WNT5A: variants seen among roughly 807,000 people sequenced by gnomAD.
The protein encoded by WNT5A is Wnt family member 5A, also known as protein Wnt-5a.
WNT5A carries 9 observed loss-of-function variants against 42.1 expected under a neutral mutation model. The ratio of observed to expected loss-of-function variants is 0.21; its 90% CI spans 0.13 to 0.37. The LOEUF (loss-of-function observed/expected upper bound fraction) is 0.37, where lower values mean the gene tolerates loss of function less well. WNT5A is among the 10% of genes least tolerant of loss of function. The pLI is 1.00. For synonymous variants in WNT5A, 210 were observed against 210.0 expected, an observed-to-expected ratio of 1.00 and a Z score of 0.00; for missense variants, 426 against 534.0, an observed-to-expected ratio of 0.80 and a Z score of 1.99.
At chr3:55,485,640 T>G (rs536007917) in intron 1 of WNT5A, among the ~76,000 whole-genome samples, 31 of 140,768 alleles carry the variant, frequency 2.2e-4, no homozygotes, top group Admixed American at 1.4e-3. Context: ...TCTGGCTGGT[T>G]CGGCAGTGAA....
upstream of WNT5A, chr3:55,493,727 G>GACTTAATCACCAC (rs2051686377): frequency 6.6e-6 from 1 of 152,182 alleles, no homozygotes; most frequent in Admixed American, 6.5e-5. Context: ...AAATGTAAGG[G>GACTTAATCACCAC]ACTTAATCAC....
At position 55,467,190 on chromosome 3, in the gene WNT5A, CA is replaced by C. The variant is rs924932236; in HGVS notation, c.*2901del. On this transcript the variant is annotated 3_prime_UTR_variant, in exon 5 of 5. Transcript: ENST00000264634. ...TGCAATAGTTGCAGTGGTAAACACA[CA>C]AAAAAATACATTTTTTTGGACTAAA... 6.6e-6 allele frequency: 1 copy of C among 152,372 alleles called. No homozygotes were observed. The highest frequency in any genetic ancestry group is 2.1e-4 in the South Asian group (1 of 4,812). The allele number at this position is 152,372 out of a possible 1,614,324, so 9.4% of individuals were successfully genotyped here.
intron 1 of WNT5A, chr3:55,481,450 G>A (rs2051461128): frequency 1.2e-6 from 1 of 865,024 alleles, no homozygotes. Context: ...GCGGGGGGTG[G>A]AGGATGGGGG....
At chr3:55,497,639 A>T in the WNT5A span, among the ~76,000 whole-genome samples, 971 of 152,340 alleles carry the variant, frequency 6.4e-3, 11 homozygotes, top group Admixed American at 0.033. Flanking sequence ...TGACTGGAAT[A>T]TTAGTAATGC....
At chr3:55,488,912 G>C (rs367720076), upstream of WNT5A, among the ~76,000 whole-genome samples, 120 of 152,276 alleles carry the variant, frequency 7.9e-4, no homozygotes, top group East Asian at 0.018. Flanking sequence ...TGGGGCTGAT[G>C]GATAGGGTTA....
At chr3:55,481,640 C>T (rs1449669436) in intron 1 of WNT5A, among the ~76,000 whole-genome samples, 1 of 152,150 alleles carries the variant, frequency 6.6e-6, no homozygotes, top group Non-Finnish European at 1.5e-5. Context: ...TCCTTAAGGA[C>T]GTTCTTCAGC....
the WNT5A span, among the ~76,000 whole-genome samples, chr3:55,496,068 T>C: frequency 3.9e-5 from 6 of 152,344 alleles, no homozygotes; most frequent in East Asian, 1.2e-3. Flanking sequence ...CTAATGTGTT[T>C]TTTTCATTGT....
chr3:55,493,790 G>A (rs1489452231), upstream of WNT5A: 1 of 152,238 alleles, frequency 6.6e-6, no homozygotes, highest in Non-Finnish European at 1.5e-5. Context: ...ATATCTCTCT[G>A]GTTTCCCATA....
intron 3 of WNT5A, among the ~76,000 whole-genome samples, chr3:55,475,177 CTTGCTA>C (rs1315871947): frequency 6.6e-6 from 1 of 152,208 alleles, no homozygotes; most frequent in African/African-American, 2.4e-5. Flanking sequence ...ATAGTCAAAA[CTTGCTA>C]TTTGCAAAAA....
chr3:55,486,721 C>G (rs1477485312), intron 1 of WNT5A, among the ~76,000 whole-genome samples: 1 of 152,228 alleles, frequency 6.6e-6, no homozygotes, highest in Non-Finnish European at 1.5e-5. Context: ...TACTATCGCT[C>G]TTCCCCACTT....
At chr3:55,500,049 A>C in the WNT5A span, among the ~76,000 whole-genome samples, 1 of 152,038 alleles carries the variant, frequency 6.6e-6, no homozygotes, top group Non-Finnish European at 1.5e-5. Context: ...AATTTATCCC[A>C]CAGTAAATAC....
chr3:55,502,032 C>T, the WNT5A span, among the ~76,000 whole-genome samples: 1 of 152,210 alleles, frequency 6.6e-6, no homozygotes, highest in African/African-American at 2.4e-5. Flanking sequence ...CCCTTTACAA[C>T]TAGCCACACG....
rs570578703 is a variant in WNT5A at position 55,468,856 on chromosome 3, G to A, written c.*1236C>T. The A allele has an allele frequency of 6.6e-6, 1 of 152,518 alleles. No individual in the cohort carries two copies. Among genetic ancestry groups the A allele is most frequent in the African/African-American group, 2.4e-5 (1 of 41,426 alleles). 9.4% of individuals were successfully genotyped at this position (152,518 alleles called of 1,614,324 possible). A position where few individuals can be genotyped will look rare whatever the true frequency, so the allele number is the denominator to read the frequency against. ...TGCAACACCTCTGTGAATTCCATTA[G>A]CCAAGTTCTGTCATTAAAACATAGA... On this transcript the variant is annotated 3_prime_UTR_variant, in exon 5 of 5. Transcript: ENST00000264634.
intron 4 of WNT5A, among the ~76,000 whole-genome samples, chr3:55,472,040 C>T (rs558283423): frequency 6.6e-6 from 1 of 152,238 alleles, no homozygotes; most frequent in Non-Finnish European, 1.5e-5. Context: ...GCTAACACCC[C>T]ATGGAAATTC....
chr3:55,488,138 G>T, upstream of WNT5A: 1 of 152,810 alleles, frequency 6.5e-6, no homozygotes, highest in South Asian at 1.9e-4. Context: ...CCGAGGGGCG[G>T]GAGAGCGGGC....
rs1434006971 is a variant in WNT5A at position 55,470,085 on chromosome 3, G to A, written c.*7C>T. Reference sequence around the variant, plus strand: ...TGGGAGCGGGGCTGAGTGCTGGGTGGCACCCACTACTTGCACACAAACTGG... The same window carrying A: ...TGGGAGCGGGGCTGAGTGCTGGGTGACACCCACTACTTGCACACAAACTGG... On this transcript the variant is annotated 3_prime_UTR_variant, in exon 5 of 5. Transcript: ENST00000264634. 3 of 1,613,980 alleles carry A rather than the reference G, an allele frequency of 1.9e-6. No homozygotes were observed. The highest frequency in any genetic ancestry group is 1.7e-5 in the Admixed American group (1 of 60,034).
intron 1 of WNT5A, among the ~76,000 whole-genome samples, chr3:55,482,639 C>T (rs2051490554): frequency 6.6e-6 from 1 of 152,164 alleles, no homozygotes; most frequent in Non-Finnish European, 1.5e-5. Context: ...TCCCCAGCGC[C>T]TGCTAAGCAG....
the WNT5A span, among the ~76,000 whole-genome samples, chr3:55,503,452 C>T: frequency 2.0e-5 from 3 of 152,100 alleles, no homozygotes; most frequent in Non-Finnish European, 4.4e-5. Context: ...GAATAACTGG[C>T]CAAGGATTAC....
intron 1 of WNT5A, among the ~76,000 whole-genome samples, chr3:55,484,243 AG>A (rs1472673252): frequency 6.6e-6 from 1 of 152,182 alleles, no homozygotes; most frequent in Admixed American, 6.5e-5. Context: ...AAGCAAGGAG[AG>A]AGATGCAGAA....
Sources: allele counts gnomAD v4.1 joint callset (sites outside exome capture counted in the v4.1 genomes callset), GRCh38; gene constraint gnomAD v4.1.1; transcripts MANE v1.5; gene names NCBI Gene and HGNC (gene_info 2026-07-23, HGNC 2026-07-21).